The following TRMT9B variants were observed in gnomAD, a reference collection of about 807,000 sequenced individuals.
TRMT9B encodes tRNA methyltransferase 9B (putative).
In TRMT9B, 16 loss-of-function variants were observed where a neutral mutation model predicts 11.5. The ratio of observed to expected loss-of-function variants is 1.39; its 90% CI spans 0.94 to 2.11. The LOEUF (loss-of-function observed/expected upper bound fraction) is 2.11. Ranked by LOEUF, TRMT9B falls within the 30% of genes most tolerant of loss-of-function variation. The pLI is 0.00. For synonymous variants in TRMT9B, 274 were observed against 192.4 expected (o/e 1.42, Z -3.51); for missense variants, 941 against 553.8 (o/e 1.70, Z -7.02).
chr8:12,956,521 A>G (rs1310499048), intron 1 of TRMT9B, among the ~76,000 whole-genome samples: 3 of 152,228 alleles, frequency 2.0e-5, no homozygotes, highest in African/African-American at 4.8e-5. Context: ...TGATTTCATA[A>G]TCAAGGTAAA....
intron 4 of TRMT9B, among the ~76,000 whole-genome samples, chr8:13,014,942 T>A (rs192624185): frequency 6.6e-6 from 1 of 151,990 alleles, no homozygotes; most frequent in Non-Finnish European, 1.5e-5. Flanking sequence ...GCACTTGTAA[T>A]CCCACTACTT....
Position 13,025,595 on chromosome 8 carries a change from G to C in TRMT9B, c.*3551G>C, listed in dbSNP as rs1301355783. On this transcript the variant is annotated 3_prime_UTR_variant, in exon 5 of 5. Transcript: ENST00000524591. ...ATTCCACAGAATCTTCAAAGGATTTGGGGGAAAGCGCATTAACATGGACAA... is the reference window on the plus strand; with the variant it reads ...ATTCCACAGAATCTTCAAAGGATTTCGGGGAAAGCGCATTAACATGGACAA... 6.0e-6 allele frequency: 1 copy of C among 167,056 alleles called. No individual in the cohort carries two copies. Among genetic ancestry groups the C allele is most frequent in the Non-Finnish European group, 1.5e-5 (1 of 68,124 alleles). The allele number at this position is 167,056 out of a possible 1,614,324, so 10.3% of individuals were successfully genotyped here.
Position 13,021,502 on chromosome 8 carries a change from G to A in TRMT9B, c.823G>A (p.Glu275Lys). 2 of 1,613,602 alleles carry A rather than the reference G, an allele frequency of 1.2e-6. No individual in the cohort carries two copies. Among genetic ancestry groups the A allele is most frequent in the Non-Finnish European group, 8.5e-7 (1 of 1,179,594 alleles). Residue 275 changes from glutamate (E) to lysine (K), a missense_variant, in exon 5 of 5, where the codon GAA (glutamate) becomes AAA (lysine). Glu to Lys is a moderately conservative substitution (Grantham distance 56). Transcript: ENST00000524591. The part of the protein sequence containing the change: ...IERVRPLKNT[E>K]VWASSTVTVQ... ...AAGAGTAAGACCCTTGAAAAACACA[G>A]AAGTTTGGGCCAGTAGCACTGTAAC...
rs1435631988 is a variant in TRMT9B at position 13,025,601 on chromosome 8, A to G, written c.*3557A>G. The G allele has an allele frequency of 6.0e-6, 1 of 167,110 alleles. No individual in the cohort carries two copies. Among genetic ancestry groups the G allele is most frequent in the Non-Finnish European group, 1.5e-5 (1 of 68,132 alleles). The allele number at this position is 167,110 out of a possible 1,614,324, so 10.4% of individuals were successfully genotyped here. On this transcript the variant is annotated 3_prime_UTR_variant, in exon 5 of 5. Transcript: ENST00000524591. ...CAGAATCTTCAAAGGATTTGGGGGA[A>G]AGCGCATTAACATGGACAAAGGATG...
chr8:12,957,781 T>G (rs1801505393), intron 1 of TRMT9B, among the ~76,000 whole-genome samples: 1 of 152,212 alleles, frequency 6.6e-6, no homozygotes, highest in Admixed American at 6.5e-5. Flanking sequence ...ATGCATAGAA[T>G]TTTGTATTTT....
intron 2 of TRMT9B, among the ~76,000 whole-genome samples, chr8:12,999,676 T>C (rs1043172657): frequency 4.1e-4 from 62 of 152,214 alleles, no homozygotes; most frequent in Admixed American, 1.5e-3. Flanking sequence ...GAAATCTTGT[T>C]TCTTATTTAG....
At chr8:12,963,631 C>G (rs936719407) in intron 1 of TRMT9B, among the ~76,000 whole-genome samples, 2 of 151,998 alleles carry the variant, frequency 1.3e-5, no homozygotes, top group African/African-American at 4.8e-5. Context: ...GCCTGTAGTT[C>G]TAGCTACTCG....
At chr8:12,985,445 C>A (rs1487101221) in intron 1 of TRMT9B, among the ~76,000 whole-genome samples, 1 of 152,128 alleles carries the variant, frequency 6.6e-6, no homozygotes, top group East Asian at 1.9e-4. Context: ...GAGTTGGAAC[C>A]AGAGTCAAAG....
At chr8:13,012,960 G>T in intron 4 of TRMT9B, 103 bp downstream of exon 4, 1 of 1,309,922 alleles carries the variant, frequency 7.6e-7, no homozygotes, top group Non-Finnish European at 9.9e-7. Flanking sequence ...AAATGTCAAT[G>T]TAATTTATTT....
At chr8:12,978,132 G>C (rs1804747234) in intron 1 of TRMT9B, among the ~76,000 whole-genome samples, 1 of 152,176 alleles carries the variant, frequency 6.6e-6, no homozygotes, top group South Asian at 2.1e-4. Context: ...CTATAGATCT[G>C]CCTTTCTTCA....
chr8:12,963,678 G>C (rs749518829), intron 1 of TRMT9B, among the ~76,000 whole-genome samples: 5 of 152,122 alleles, frequency 3.3e-5, no homozygotes, highest in Non-Finnish European at 7.3e-5. Context: ...GAGCCTTGGA[G>C]GTCAATGCTA....
rs564562386 is a variant in TRMT9B at position 13,029,500 on chromosome 8, T to C, written c.*7456T>C. On this transcript the variant is annotated 3_prime_UTR_variant, in exon 5 of 5. Transcript: ENST00000524591. ...TATGATATGTATTCAATTATTTAAG[T>C]TAAGTATCAGTGTATTTTTAAAAAG... 6.0e-6 allele frequency: 1 copy of C among 166,984 alleles called. No individual in the cohort carries two copies. Among genetic ancestry groups the C allele is most frequent in the Non-Finnish European group, 1.5e-5 (1 of 68,112 alleles). 10.3% of individuals were successfully genotyped at this position (166,984 alleles called of 1,614,324 possible).
rs74367119 is a variant in TRMT9B at position 13,024,323 on chromosome 8, G to C, written c.*2279G>C. ...CCCCCACAGTGCTGGGATTACAGGCGTGAGCCACCGCGCCCGGCCTGTTCC... is the reference window on the plus strand; with the variant it reads ...CCCCCACAGTGCTGGGATTACAGGCCTGAGCCACCGCGCCCGGCCTGTTCC... On this transcript the variant is annotated 3_prime_UTR_variant, in exon 5 of 5. Transcript: ENST00000524591. 1 of 166,216 alleles carries C rather than the reference G, an allele frequency of 6.0e-6. No homozygotes were observed. The highest frequency in any genetic ancestry group is 2.4e-5 in the African/African-American group (1 of 41,394). 10.3% of individuals were successfully genotyped at this position (166,216 alleles called of 1,614,324 possible). A position where few individuals can be genotyped will look rare whatever the true frequency, so the allele number is the denominator to read the frequency against.
chr8:13,011,196 G>C, intron 3 of TRMT9B: 1 of 532,776 alleles, frequency 1.9e-6, no homozygotes, highest in South Asian at 8.1e-5. Context: ...ATGTTGGCCA[G>C]ACTGGTCTCG....
Position 13,006,721 on chromosome 8 carries a change from T to C in TRMT9B, c.154+365T>C. On this transcript the variant is annotated intron_variant, in intron 3 of 4. Transcript: ENST00000524591. ...TTCACTCTTGTCAACCAGATTGGAG[T>C]GCAGTGGTGCAATCTCAGCTTGCTG... 4 of 1,115,244 alleles carry C rather than the reference T, an allele frequency of 3.6e-6. No individual in the cohort carries two copies. The Admixed American group carries it at 1.1e-4, about 31-fold the overall frequency. The allele number at this position is 1,115,244 out of a possible 1,614,324, so 69.1% of individuals were successfully genotyped here. A position where few individuals can be genotyped will look rare whatever the true frequency, so the allele number is the denominator to read the frequency against.
At chr8:12,993,571 A>T (rs1807765537) in intron 2 of TRMT9B, among the ~76,000 whole-genome samples, 1 of 152,212 alleles carries the variant, frequency 6.6e-6, no homozygotes, top group African/African-American at 2.4e-5. Flanking sequence ...TAGCTGAGAT[A>T]CTAGGGGATG....
intron 1 of TRMT9B, among the ~76,000 whole-genome samples, chr8:12,968,162 G>C (rs550906795): frequency 1.3e-5 from 2 of 152,340 alleles, no homozygotes; most frequent in South Asian, 4.1e-4. Context: ...TGGGATTACA[G>C]ACATGAGCCA....
chr8:12,972,178 A>G (rs1394106317), intron 1 of TRMT9B, among the ~76,000 whole-genome samples: 1 of 152,212 alleles, frequency 6.6e-6, no homozygotes, highest in Non-Finnish European at 1.5e-5. Context: ...GGATGGCAAG[A>G]ACAACAGCAG....
chr8:12,999,235 G>T (rs572375753), intron 2 of TRMT9B, among the ~76,000 whole-genome samples: 1 of 149,656 alleles, frequency 6.7e-6, no homozygotes, highest in African/African-American at 2.5e-5. Context: ...GGAGGCGGAG[G>T]TTGCAGTGAG....
Sources: gnomAD v4.1 joint callset for allele counts (sites outside exome capture counted in the v4.1 genomes callset) on GRCh38, gnomAD v4.1.1 for gene constraint, MANE v1.5 for transcripts, NCBI Gene and HGNC (gene_info 2026-07-23, HGNC 2026-07-21) for gene names.